TTLL3: variants seen among roughly 807,000 people sequenced by gnomAD.
The protein encoded by TTLL3 is tubulin monoglycylase TTLL3.
TTLL3 carries 63 observed loss-of-function variants against 75.2 expected under a neutral mutation model. The ratio of observed to expected loss-of-function variants is 0.84; its 90% CI spans 0.68 to 1.03. The LOEUF (loss-of-function observed/expected upper bound fraction) is 1.03. Ranked by LOEUF, TTLL3 falls within the 50% of genes least tolerant of loss-of-function variation. The pLI is 0.00. For synonymous variants in TTLL3, 393 were observed against 418.5 expected (o/e 0.94, Z 0.74); for missense variants, 997 against 1,069.9 (o/e 0.93, Z 0.95).
At chr3:9,815,036 G>A (rs998749767) in intron 4 of TTLL3, among the ~76,000 whole-genome samples, 2 of 151,752 alleles carry the variant, frequency 1.3e-5, no homozygotes, top group South Asian at 2.1e-4. Flanking sequence ...TCAGGAGTTC[G>A]AGACCAGCCT....
intron 9 of TTLL3, 119 bp from the exon 10 acceptor site, chr3:9,826,878 G>A: frequency 6.6e-7 from 1 of 1,517,134 alleles, no homozygotes. Flanking sequence ...CTGATTGAGG[G>A]AGACAGCCTT....
In TTLL3 at chr3:9,827,164, C is replaced by G. The variant is rs2081118570; in HGVS notation, c.1171C>G (p.Pro391Ala). The change falls in exon 10 of 14, where the codon CCA becomes GCA. Residue 391 changes from proline to alanine, a missense_variant. Transcript: ENST00000685419. ...RQWFLVTDWN[P>A]LTVWFYRDSY... ...GTGGTTCCTGGTAACTGACTGGAAC[C>G]CACTTACCGTGTGGTTCTACCGCGA... 6.8e-6 allele frequency: 11 copies of G among 1,614,242 alleles called. No individual in the cohort carries two copies. The African/African-American group carries it at 9.3e-5, about 14-fold the overall frequency.
At chr3:9,820,408 TCC>T in intron 7 of TTLL3, 136 bp from the exon 8 acceptor site, 1 of 1,522,966 alleles carries the variant, frequency 6.6e-7, no homozygotes, top group Middle Eastern at 2.1e-4. Flanking sequence ...AAGTGACACA[TCC>T]CAGGGCAGTA....
chr3:9,831,260 GGTT>G (rs2081505293), intron 11 of TTLL3, among the ~76,000 whole-genome samples: 1 of 152,094 alleles, frequency 6.6e-6, no homozygotes, highest in Non-Finnish European at 1.5e-5. Context: ...GGGCCAGGCG[GGTT>G]GTTTTGTAGA....
At position 9,816,095 on chromosome 3, in the gene TTLL3, A is replaced by T; in HGVS notation, c.337A>T (p.Ile113Phe). The T allele has an allele frequency of 2.2e-6, 3 of 1,353,530 alleles. No homozygotes were observed. The highest frequency in any genetic ancestry group is 3.0e-6 in the Non-Finnish European group (3 of 1,015,640). The allele number at this position is 1,353,530 out of a possible 1,614,324, so 83.8% of individuals were successfully genotyped here. A position where few individuals can be genotyped will look rare whatever the true frequency, so the allele number is the denominator to read the frequency against. Residue 113 changes from isoleucine (I) to phenylalanine (F), a missense_variant, in exon 5 of 14, where the codon ATC becomes TTC. Coordinates refer to ENST00000685419, the MANE Select transcript of TTLL3 (RefSeq NM_001387446.1). The stretch of plus-strand genomic sequence containing the variant: ...CCAGTCCCGCATGGTCCAGAATGAG[A>T]TCCCCTACTTCATCTGGACCACTCG... Reference protein sequence around the residue: ...ALMSRMVQNEIPYFIWTTRRD... With the variant: ...ALMSRMVQNEFPYFIWTTRRD...
In TTLL3 at chr3:9,829,409, G is replaced by A. The variant is rs1415281523; in HGVS notation, c.1683+14G>A. 3.2e-6 allele frequency: 5 copies of A among 1,570,218 alleles called. No individual in the cohort carries two copies. Among genetic ancestry groups the A allele is most frequent in the Non-Finnish European group, 4.3e-6 (5 of 1,154,916 alleles). ...ATCTATAAGCAGGTGAGGAGGTTGG[G>A]CCCAGGCAGGACCCCAGAGAGTCTG... On this transcript the variant is annotated intron_variant, in intron 11 of 13. Coordinates refer to ENST00000685419, the MANE Select transcript of TTLL3 (RefSeq NM_001387446.1).
At chr3:9,813,846 G>T (rs958208944) in intron 4 of TTLL3, among the ~76,000 whole-genome samples, 1 of 151,958 alleles carries the variant, frequency 6.6e-6, no homozygotes, top group Non-Finnish European at 1.5e-5. Context: ...GACACAGCAG[G>T]GCTGTGTCCC....
chr3:9,832,079 C>A (rs2081595021), intron 11 of TTLL3, among the ~76,000 whole-genome samples: 1 of 50,622 alleles, frequency 2.0e-5, no homozygotes, highest in Non-Finnish European at 4.6e-5. Context: ...GCAATAGCTG[C>A]ATTTTTTTTT....
At chr3:9,822,356 C>T (rs968318027) in intron 8 of TTLL3, among the ~76,000 whole-genome samples, 14 of 151,670 alleles carry the variant, frequency 9.2e-5, no homozygotes, top group African/African-American at 3.1e-4. Context: ...CATGAGCCAC[C>T]GCGCCCGGCC....
chr3:9,815,994 T>C (rs1026290015), intron 4 of TTLL3, 80 bp from the exon 5 acceptor site: 6 of 1,243,390 alleles, frequency 4.8e-6, no homozygotes, highest in Non-Finnish European at 6.4e-6. Context: ...CCCACCCTGC[T>C]CAGCAGGGCA....
intron 8 of TTLL3, among the ~76,000 whole-genome samples, chr3:9,822,904 C>T (rs1214123806): frequency 3.4e-5 from 5 of 149,174 alleles, no homozygotes; most frequent in African/African-American, 7.4e-5. Context: ...CCACTGCACT[C>T]GGCCTAATTC....
chr3:9,810,437 C>G lies in TTLL3; in HGVS notation c.-42+43C>G. On this transcript the variant is annotated intron_variant, in intron 1 of 13. Transcript: ENST00000685419. This position sits in a 1 kb window ranked among gnomAD's most constrained non-coding sequence, Gnocchi z 4.4. ...CGCTCGCTCTGGCCTACAGCGGCTG[C>G]GAGGACGACAAGACGCTGGGGTGGA... 1 of 1,424,604 alleles carries G rather than the reference C, an allele frequency of 7.0e-7. No homozygotes were observed. The highest frequency in any genetic ancestry group is 9.1e-7 in the Non-Finnish European group (1 of 1,094,158). The allele number at this position is 1,424,604 out of a possible 1,614,324, so 88.2% of individuals were successfully genotyped here. A position where few individuals can be genotyped will look rare whatever the true frequency, so the allele number is the denominator to read the frequency against.
chr3:9,816,149 T>C lies in TTLL3; in HGVS notation c.391T>C (p.Ser131Pro). The C allele has an allele frequency of 7.4e-7, 1 of 1,353,578 alleles. No individual in the cohort carries two copies. Among genetic ancestry groups the C allele is most frequent in the South Asian group, 1.2e-5 (1 of 84,974 alleles). 83.8% of individuals were successfully genotyped at this position (1,353,578 alleles called of 1,614,324 possible). Residue 131 changes from serine (S) to proline (P), a missense_variant, in exon 5 of 14, where the codon TCC becomes CCC. By Grantham distance (74) the Ser-to-Pro change is moderately conservative. Transcript: ENST00000685419. Reference protein sequence around the residue: ...RRDVLDCRFLSKDQMINHYAR... With the variant: ...RRDVLDCRFLPKDQMINHYAR... ...GGATGTGCTCGACTGTCGCTTCCTC[T>C]CCAAGGATCAGATGATAAACCACTA...
chr3:9,834,971 G>A (rs765338099), intron 13 of TTLL3, 64 bp downstream of exon 13: 10 of 1,611,642 alleles, frequency 6.2e-6, no homozygotes, highest in Non-Finnish European at 8.5e-6. Context: ...GGGCTGGAGG[G>A]CACAGGCAGA....
Position 9,836,066 on chromosome 3 carries a change from T to C in TTLL3, c.*577T>C, listed in dbSNP as rs2081997534. The C allele has an allele frequency of 8.3e-6, 1 of 119,768 alleles. No homozygotes were observed. Among genetic ancestry groups the C allele is most frequent in the Admixed American group, 7.9e-5 (1 of 12,608 alleles). 7.4% of individuals were successfully genotyped at this position (119,768 alleles called of 1,614,324 possible). A position where few individuals can be genotyped will look rare whatever the true frequency, so the allele number is the denominator to read the frequency against. Reference sequence around the variant, plus strand: ...GGCTCACACCTGTTATCCCAGCACTTTGAGAGGCCAAGGCAGGAGATCGCT... The same window carrying C: ...GGCTCACACCTGTTATCCCAGCACTCTGAGAGGCCAAGGCAGGAGATCGCT... On this transcript the variant is annotated 3_prime_UTR_variant, in exon 14 of 14. Coordinates refer to ENST00000685419, the MANE Select transcript of TTLL3 (RefSeq NM_001387446.1).
intron 4 of TTLL3, among the ~76,000 whole-genome samples, chr3:9,813,583 C>T (rs2079542870): frequency 6.6e-6 from 1 of 152,042 alleles, no homozygotes; most frequent in African/African-American, 2.4e-5. Flanking sequence ...AGTTCAAGAC[C>T]AGCCTGGGCA....
rs1463938688 is a variant in TTLL3 at position 9,835,647 on chromosome 3, G to A, written c.*158G>A. On this transcript the variant is annotated 3_prime_UTR_variant, in exon 14 of 14. Coordinates refer to ENST00000685419, the MANE Select transcript of TTLL3 (RefSeq NM_001387446.1). ...GAAGAAACTGAGTCTGAAAGAGGAG[G>A]CATGGCTTACCCAAGATCACGTGGC... 1 of 732,914 alleles carries A rather than the reference G, an allele frequency of 1.4e-6. No homozygotes were observed. Among genetic ancestry groups the A allele is most frequent in the Non-Finnish European group, 2.1e-6 (1 of 467,556 alleles). The allele number at this position is 732,914 out of a possible 1,614,324, so 45.4% of individuals were successfully genotyped here.
At chr3:9,832,383 G>C (rs114782189) in intron 11 of TTLL3, among the ~76,000 whole-genome samples, 1 of 152,038 alleles carries the variant, frequency 6.6e-6, no homozygotes, top group Admixed American at 6.6e-5. Flanking sequence ...CACCATGCCC[G>C]GCCAATAGCT....
Position 9,818,883 on chromosome 3 carries a change from G to C in TTLL3, c.621G>C (p.Lys207Asn), listed in dbSNP as rs1179981432. The part of the protein sequence containing the change: ...VLKLVVKSEW[K>N]SYPIQAVEEE... ...AGCTGGTGGTGAAGTCTGAGTGGAA[G>C]TCATACCCTATTCAGGCAGTAGAGG... Residue 207 changes from lysine (K) to asparagine (N), a missense_variant, in exon 7 of 14, where the codon AAG (lysine) becomes AAC (asparagine). Coordinates refer to ENST00000685419, the MANE Select transcript of TTLL3 (RefSeq NM_001387446.1). The C allele has an allele frequency of 6.2e-7, 1 of 1,614,054 alleles. No individual in the cohort carries two copies. The highest frequency in any genetic ancestry group is 1.3e-5 in the African/African-American group (1 of 74,908).
Sources: gnomAD v4.1 joint callset for allele counts (sites outside exome capture counted in the v4.1 genomes callset) on GRCh38, gnomAD v4.1.1 for gene constraint, Gnocchi (gnomAD v3.1) non-coding constraint, MANE v1.5 for transcripts, NCBI Gene and HGNC (gene_info 2026-07-23, HGNC 2026-07-21) for gene names.